UBR4: variants seen among roughly 807,000 people sequenced by gnomAD.
UBR4 encodes the protein ubiquitin protein ligase E3 component n-recognin 4, also known as E3 ubiquitin-protein ligase UBR4.
Under a neutral mutation model 575.6 loss-of-function variants are expected in UBR4, and 124 were observed. The observed-to-expected ratio is 0.22, with a 90% CI of 0.19 to 0.25. The LOEUF is 0.25. Among genes scored for constraint, UBR4 ranks in the 10% least tolerant of loss-of-function variants. UBR4 has a pLI of 1.00. For synonymous variants in UBR4, 2,455 were observed against 2,473.7 expected, an observed-to-expected ratio of 0.99 and a Z score of 0.22; for missense variants, 4,818 against 6,478.8, an observed-to-expected ratio of 0.74 and a Z score of 8.80.
intron 98 of UBR4, 43 bp from the exon 99 acceptor site, chr1:19,087,972 A>C (rs2077176717): frequency 6.9e-7 from 1 of 1,457,476 alleles, no homozygotes; most frequent in Non-Finnish European, 9.5e-7. Flanking sequence ...ATTTCCACAC[A>C]CCCTCTCCCA....
At chr1:19,136,629 A>G (rs893586445) in intron 60 of UBR4, among the ~76,000 whole-genome samples, 4 of 152,228 alleles carry the variant, frequency 2.6e-5, no homozygotes, top group Non-Finnish European at 5.9e-5. Context: ...GTAATAACAT[A>G]CATCCATTCC....
chr1:19,176,550 G>A, intron 20 of UBR4, 42 bp downstream of exon 20: 3 of 1,600,096 alleles, frequency 1.9e-6, no homozygotes, highest in Non-Finnish European at 2.6e-6. Flanking sequence ...CCACCAATGA[G>A]AATCAGTAAG....
chr1:19,104,901 C>G, intron 85 of UBR4, 147 bp downstream of exon 85: 1 of 1,330,418 alleles, frequency 7.5e-7, no homozygotes, highest in Non-Finnish European at 1.0e-6. Flanking sequence ...ATAATAAATA[C>G]AATGAAGTCA....
At chr1:19,076,706 G>C (rs1557450300) in intron 105 of UBR4, 34 bp downstream of exon 105, 1 of 1,613,942 alleles carries the variant, frequency 6.2e-7, no homozygotes. Flanking sequence ...CTTTGCTGCG[G>C]AGGATCTTTA....
intron 87 of UBR4, among the ~76,000 whole-genome samples, chr1:19,103,853 T>C (rs1227565819): frequency 6.6e-6 from 1 of 152,228 alleles, no homozygotes; most frequent in Non-Finnish European, 1.5e-5. Context: ...GCCTTTGACC[T>C]TGCACCACTC....
At position 19,202,536 on chromosome 1, in the gene UBR4, G is replaced by T. The variant is rs1275770616; in HGVS notation, c.177-721C>A. Among the ~76,000 whole-genome samples, 3 of 152,276 alleles carry T rather than the reference G, an allele frequency of 2.0e-5. No homozygotes were observed. The South Asian group carries it at 6.2e-4, about 32-fold the overall frequency. ...AAAAGGAATCAACAACTCAAGATAA[G>T]AAGTCATATGATCAGTGCTAAAGTC... On this transcript the variant is annotated intron_variant, in intron 1 of 105. Transcript: ENST00000375254.
Position 19,106,304 on chromosome 1 carries a change from A to G in UBR4, c.12393+265T>C, listed in dbSNP as rs115414897. 5.5e-3 allele frequency among the ~76,000 whole-genome samples: 843 copies of G among 152,310 alleles called. 4 individuals are homozygous for G. The highest frequency in any genetic ancestry group is 8.9e-3 in the Non-Finnish European group (608 of 68,034). ...CAGAAGATACGAAAAATGGAAGGAGAAAAGGGACTATGGTCAGGGAGGAAA... is the reference window on the plus strand; with the variant it reads ...CAGAAGATACGAAAAATGGAAGGAGGAAAGGGACTATGGTCAGGGAGGAAA... On this transcript the variant is annotated intron_variant, in intron 83 of 105. Transcript: ENST00000375254.
intron 60 of UBR4, among the ~76,000 whole-genome samples, chr1:19,132,250 C>T (rs1001423932): frequency 4.6e-5 from 7 of 151,982 alleles, no homozygotes; most frequent in Non-Finnish European, 8.8e-5. Flanking sequence ...GGCGTGATCT[C>T]GGCTCATAGC....
At chr1:19,142,246 T>C (rs74056764) in intron 55 of UBR4, among the ~76,000 whole-genome samples, 1,527 of 152,272 alleles carry the variant, frequency 0.01, 22 homozygotes, top group African/African-American at 0.035. Context: ...GTAATTACTA[T>C]GAGAAGAACC....
At chr1:19,183,076 T>C (rs1421757321) in intron 17 of UBR4, among the ~76,000 whole-genome samples, 1 of 152,252 alleles carries the variant, frequency 6.6e-6, no homozygotes, top group Admixed American at 6.5e-5. Context: ...CAAGTGTATA[T>C]GAGAGCATCT....
At chr1:19,150,535 G>A in intron 49 of UBR4, 42 bp downstream of exon 49, 1 of 1,595,848 alleles carries the variant, frequency 6.3e-7, no homozygotes, top group Non-Finnish European at 8.6e-7. Context: ...GCAGTGAGTG[G>A]AATATGTAAA....
In UBR4 at chr1:19,117,499, A is replaced by T; in HGVS notation, c.10630-85T>A. 1 of 1,375,148 alleles carries T rather than the reference A, an allele frequency of 7.3e-7. No homozygotes were observed. The highest frequency in any genetic ancestry group is 1.0e-6 in the Non-Finnish European group (1 of 996,386). The allele number at this position is 1,375,148 out of a possible 1,614,324, so 85.2% of individuals were successfully genotyped here. A position where few individuals can be genotyped will look rare whatever the true frequency, so the allele number is the denominator to read the frequency against. ...AATTCATCAGTGTAACCCACTCTTC[A>T]TCCACAAGATGAAGTTTCTATTTAA... is the stretch of plus-strand genomic sequence containing the variant. On this transcript the variant is annotated intron_variant, in intron 72 of 105. Transcript: ENST00000375254. The surrounding 1 kb of genome is among the most constrained non-coding windows in gnomAD (Gnocchi z 4.0).
chr1:19,092,386 A>G (rs2077608827), intron 97 of UBR4, among the ~76,000 whole-genome samples: 1 of 151,836 alleles, frequency 6.6e-6, no homozygotes, highest in African/African-American at 2.4e-5. Flanking sequence ...TTAGGATTGG[A>G]TTTGTGAGGG....
chr1:19,105,271 T>A, intron 84 of UBR4, 82 bp from the exon 85 acceptor site: 1 of 1,476,318 alleles, frequency 6.8e-7, no homozygotes. Flanking sequence ...CTCCTCCCAA[T>A]CTTTCCTATC....
At chr1:19,127,109 G>A (rs568295292) in intron 63 of UBR4, among the ~76,000 whole-genome samples, 1 of 152,290 alleles carries the variant, frequency 6.6e-6, no homozygotes, top group Admixed American at 6.5e-5. Flanking sequence ...TTGGGGGTGA[G>A]TGATCACATG....
chr1:19,160,309 T>TAA, intron 38 of UBR4, 28 bp from the exon 39 acceptor site: 1 of 1,398,992 alleles, frequency 7.1e-7, no homozygotes, highest in South Asian at 1.6e-5. Context: ...AATACACCAG[T>TAA]GAAAAAAAAA....
At chr1:19,155,696 G>T in intron 42 of UBR4, 28 bp from the exon 43 acceptor site, 2 of 1,591,140 alleles carry the variant, frequency 1.3e-6, no homozygotes, top group South Asian at 2.2e-5. Flanking sequence ...AATTAAATAA[G>T]GGAAATCTAT....
chr1:19,138,956 C>A (rs2083506662), intron 59 of UBR4, 127 bp downstream of exon 59: 11 of 1,217,538 alleles, frequency 9.0e-6, no homozygotes, highest in Non-Finnish European at 1.2e-5. Flanking sequence ...TTCAGAGAGT[C>A]CACAAGACTT....
intron 8 of UBR4, among the ~76,000 whole-genome samples, chr1:19,195,059 G>A (rs1376326716): frequency 6.6e-6 from 1 of 151,362 alleles, no homozygotes; most frequent in South Asian, 2.1e-4. Flanking sequence ...AGGAGATCGA[G>A]ACCATCCTGG....
Sources: allele counts gnomAD v4.1 joint callset (sites outside exome capture counted in the v4.1 genomes callset), GRCh38; gene constraint gnomAD v4.1.1; non-coding constraint Gnocchi (gnomAD v3.1); transcripts MANE v1.5; gene names NCBI Gene and HGNC (gene_info 2026-07-23, HGNC 2026-07-21).